The following MEGF10 variants were observed in gnomAD, a reference collection of about 807,000 sequenced individuals.
The protein encoded by MEGF10 is multiple epidermal growth factor-like domains protein 10.
MEGF10 carries 86 observed loss-of-function variants against 147.5 expected under a neutral mutation model. The ratio of observed to expected loss-of-function variants is 0.58; its 90% confidence interval spans 0.49 to 0.70. The LOEUF is 0.70. Among genes scored for constraint, MEGF10 ranks in the 30% least tolerant of loss-of-function variants. MEGF10 has a pLI of 0.00. For missense variants in MEGF10, 1,329 were observed against 1,487.3 expected (o/e 0.89, Z 1.75); for synonymous variants, 478 against 525.5 (o/e 0.91, Z 1.24).
At chr5:127,232,199 T>C in the MEGF10 span, among the ~76,000 whole-genome samples, 42 of 152,356 alleles carry the variant, frequency 2.8e-4, no homozygotes, top group East Asian at 6.5e-3. Flanking sequence ...AAAAAGGAAA[T>C]AATCAAAGCA....
intron 1 of MEGF10, among the ~76,000 whole-genome samples, chr5:127,325,536 G>T (rs563856273): frequency 6.6e-6 from 1 of 152,148 alleles, no homozygotes; most frequent in East Asian, 1.9e-4. Context: ...TGTTTAGGTA[G>T]GTAGGGCCAC....
intron 13 of MEGF10, 60 bp from the exon 14 acceptor site, chr5:127,433,303 G>A: frequency 6.2e-7 from 1 of 1,608,102 alleles, no homozygotes. Context: ...CTATGAATTA[G>A]CATCTGCGGA....
At chr5:127,427,226 C>T (rs1765232355) in intron 13 of MEGF10, among the ~76,000 whole-genome samples, 1 of 152,166 alleles carries the variant, frequency 6.6e-6, no homozygotes, top group Non-Finnish European at 1.5e-5. Flanking sequence ...ATAGTGGCAT[C>T]TGCTGTGTCA....
intron 1 of MEGF10, among the ~76,000 whole-genome samples, chr5:127,327,602 G>A (rs1761087185): frequency 6.6e-6 from 1 of 151,478 alleles, no homozygotes. Flanking sequence ...AGGCATAGTG[G>A]AAAAAGGGTA....
intron 5 of MEGF10, among the ~76,000 whole-genome samples, chr5:127,393,105 A>G (rs1461254639): frequency 1.3e-5 from 2 of 152,220 alleles, no homozygotes; most frequent in East Asian, 3.8e-4. Context: ...AGCTATTTTC[A>G]TGTTAACTAT....
chr5:127,250,150 G>A, the MEGF10 span, among the ~76,000 whole-genome samples: 1 of 151,928 alleles, frequency 6.6e-6, no homozygotes, highest in Non-Finnish European at 1.5e-5. Context: ...AACTTATGTG[G>A]CTATGTTAAT....
the MEGF10 span, among the ~76,000 whole-genome samples, chr5:127,281,735 C>A: frequency 6.6e-6 from 1 of 152,320 alleles, no homozygotes; most frequent in South Asian, 2.1e-4. Flanking sequence ...CTGGACACTG[C>A]TGAAGGGCAG....
intron 16 of MEGF10, among the ~76,000 whole-genome samples, chr5:127,437,224 G>A (rs918381412): frequency 1.3e-5 from 2 of 152,158 alleles, no homozygotes; most frequent in African/African-American, 4.8e-5. Flanking sequence ...CTGTGGCTTT[G>A]GGAAAGCTGT....
At chr5:127,400,468 T>C (rs1764083250) in intron 7 of MEGF10, among the ~76,000 whole-genome samples, 1 of 152,228 alleles carries the variant, frequency 6.6e-6, no homozygotes, top group African/African-American at 2.4e-5. Flanking sequence ...TCTCTCTTAG[T>C]TGTCTGAGGT....
At chr5:127,393,144 C>G (rs1763768374) in intron 5 of MEGF10, among the ~76,000 whole-genome samples, 1 of 152,194 alleles carries the variant, frequency 6.6e-6, no homozygotes, top group Non-Finnish European at 1.5e-5. Context: ...GTGGGAATAG[C>G]CAACCAGTCA....
At position 127,360,490 on chromosome 5, in the gene MEGF10, A is replaced by G. The variant is rs1592889; in HGVS notation, c.320-9420A>G. Among the ~76,000 whole-genome samples the G allele has an allele frequency of 7.4e-3, 1,126 of 151,986 alleles. 12 individuals are homozygous for G. Among genetic ancestry groups the G allele is most frequent in the African/African-American group, 0.026 (1,059 of 41,488 alleles). ...CTTTATTTCTTTTCCTTGCCTTATT[A>G]CACTTGCTAGAACCCCCAGTATCAT... On this transcript the variant is annotated intron_variant, in intron 4 of 24. Coordinates refer to ENST00000503335, the MANE Select transcript of MEGF10 (RefSeq NM_001256545.2).
chr5:127,248,469 T>C, the MEGF10 span, among the ~76,000 whole-genome samples: 16 of 152,048 alleles, frequency 1.1e-4, no homozygotes, highest in Admixed American at 1.1e-3. Context: ...ATACACATGT[T>C]CAAAGATTTA....
chr5:127,331,211 C>T (rs976802689), intron 1 of MEGF10, 80 bp from the exon 2 acceptor site: 3 of 715,570 alleles, frequency 4.2e-6, no homozygotes, highest in African/African-American at 1.8e-5. Context: ...ACAACTGGTA[C>T]CTGGTGGTTG....
chr5:127,360,540 G>A (rs1762431757), intron 4 of MEGF10, among the ~76,000 whole-genome samples: 1 of 151,868 alleles, frequency 6.6e-6, no homozygotes. Flanking sequence ...GTAAGAGCAA[G>A]AATCCTTGTT....
chr5:127,386,671 G>A (rs780954797), intron 5 of MEGF10, among the ~76,000 whole-genome samples: 4 of 152,116 alleles, frequency 2.6e-5, no homozygotes, highest in Non-Finnish European at 4.4e-5. Context: ...GGGCAATTTC[G>A]TTTTTGAAAT....
chr5:127,396,878 G>A, intron 6 of MEGF10, 100 bp downstream of exon 6: 2 of 1,518,038 alleles, frequency 1.3e-6, no homozygotes, highest in Non-Finnish European at 1.8e-6. Context: ...TTGCATTGCT[G>A]CCTGAAGAGT....
chr5:127,321,055 A>C (rs1236591516), intron 1 of MEGF10, among the ~76,000 whole-genome samples: 1 of 152,214 alleles, frequency 6.6e-6, no homozygotes, highest in Non-Finnish European at 1.5e-5. Flanking sequence ...GCTACAATAC[A>C]CAGGTGAAGT....
At chr5:127,239,320 A>G in the MEGF10 span, among the ~76,000 whole-genome samples, 2 of 149,448 alleles carry the variant, frequency 1.3e-5, no homozygotes, top group Non-Finnish European at 3.0e-5. Flanking sequence ...CTGAGCAATA[A>G]TTATATGCTG....
rs924952216 is a variant in MEGF10, at chr5:127,460,292, T to C, written c.*2974T>C. On this transcript the variant is annotated 3_prime_UTR_variant, in exon 25 of 25. Transcript: ENST00000503335. ...ACTTGCCCACATGATAACTCATGTT[T>C]GCTTTAATAAGGAAAATATGTTATT... is the stretch of plus-strand genomic sequence containing the variant. 1.3e-5 allele frequency: 2 copies of C among 152,224 alleles called. No individual in the cohort carries two copies. Among genetic ancestry groups the C allele is most frequent in the Non-Finnish European group, 2.9e-5 (2 of 68,024 alleles). 9.4% of individuals were successfully genotyped at this position (152,224 alleles called of 1,614,324 possible).
Sources: gnomAD v4.1 joint callset for allele counts (sites outside exome capture counted in the v4.1 genomes callset) on GRCh38, gnomAD v4.1.1 for gene constraint, MANE v1.5 for transcripts, NCBI Gene and HGNC (gene_info 2026-07-23, HGNC 2026-07-21) for gene names.